SLC12A7: variants seen among roughly 807,000 people sequenced by gnomAD.
The protein encoded by SLC12A7 is K-Cl cotransporter 4.
SLC12A7 carries 100 observed loss-of-function variants against 120.6 expected under a neutral mutation model. That is an observed-to-expected ratio of 0.83 (90% CI 0.71 to 0.98). The LOEUF is 0.98. Among genes scored for constraint, SLC12A7 ranks in the 50% least tolerant of loss-of-function variants. SLC12A7 has a pLI of 0.00. For synonymous variants in SLC12A7, 760 were observed against 678.0 expected (o/e 1.12, Z -1.88); for missense variants, 1,373 against 1,548.1 (o/e 0.89, Z 1.90).
At chr5:1,127,159 C>T in the SLC12A7 span, among the ~76,000 whole-genome samples, 11 of 152,210 alleles carry the variant, frequency 7.2e-5, no homozygotes, top group South Asian at 8.3e-4. Flanking sequence ...GGACTACAGG[C>T]ACACGCCACC....
At chr5:1,150,884 A>T in the SLC12A7 span, among the ~76,000 whole-genome samples, 2 of 152,244 alleles carry the variant, frequency 1.3e-5, no homozygotes, top group Non-Finnish European at 2.9e-5. Context: ...GTGGCCCAGG[A>T]GGGCACGCAG....
the SLC12A7 span, among the ~76,000 whole-genome samples, chr5:1,122,529 T>C: frequency 5.3e-5 from 8 of 152,262 alleles, no homozygotes; most frequent in Non-Finnish European, 7.3e-5. Flanking sequence ...CATCTTTAAG[T>C]GTCCGACGGA....
At chr5:1,103,213 T>C (rs1034681245) in intron 1 of SLC12A7, among the ~76,000 whole-genome samples, 3 of 152,142 alleles carry the variant, frequency 2.0e-5, no homozygotes, top group African/African-American at 7.2e-5. Context: ...AAAGCAGCGC[T>C]GCCTTCTGAG....
chr5:1,108,300 C>T (rs1446769469), intron 1 of SLC12A7, among the ~76,000 whole-genome samples: 1 of 152,262 alleles, frequency 6.6e-6, no homozygotes, highest in Non-Finnish European at 1.5e-5. Context: ...GGAGGAAGCA[C>T]AGGCCCCGGC....
At position 1,112,054 on chromosome 5, in the gene SLC12A7, C is replaced by T; in HGVS notation, c.-63G>A. 8.3e-7 allele frequency: 1 copy of T among 1,208,732 alleles called. No individual in the cohort carries two copies. The highest frequency in any genetic ancestry group is 4.3e-5 in the Admixed American group (1 of 23,482). The allele number at this position is 1,208,732 out of a possible 1,614,324, so 74.9% of individuals were successfully genotyped here. The stretch of plus-strand genomic sequence containing the variant: ...CCGCGCTGCGCCGCTCCCGCCGACG[C>T]CACGGGACTTGGAGGCAGGGGCGGG... On this transcript the variant is annotated 5_prime_UTR_variant, in exon 1 of 24. Coordinates refer to ENST00000264930, the MANE Select transcript of SLC12A7 (RefSeq NM_006598.3).
At chr5:1,121,424 G>A in the SLC12A7 span, among the ~76,000 whole-genome samples, 9 of 152,298 alleles carry the variant, frequency 5.9e-5, no homozygotes, top group African/African-American at 1.9e-4. Flanking sequence ...GCCCGTGTGC[G>A]GATCCCCCTG....
At chr5:1,088,420 C>T in intron 4 of SLC12A7, 60 bp from the exon 5 acceptor site, 2 of 1,518,710 alleles carry the variant, frequency 1.3e-6, no homozygotes, top group South Asian at 1.2e-5. Flanking sequence ...GGCATCGCAA[C>T]ACTCCCAAGT....
the SLC12A7 span, among the ~76,000 whole-genome samples, chr5:1,131,709 C>T: frequency 6.6e-6 from 1 of 152,242 alleles, no homozygotes; most frequent in Non-Finnish European, 1.5e-5. Flanking sequence ...TCCCCAGAGC[C>T]TTGCCTAGCC....
At chr5:1,074,107 G>A (rs1738042515) in intron 16 of SLC12A7, among the ~76,000 whole-genome samples, 1 of 152,180 alleles carries the variant, frequency 6.6e-6, no homozygotes, top group South Asian at 2.1e-4. Context: ...AGGTGGGACA[G>A]GTGACATGCT....
the SLC12A7 span, among the ~76,000 whole-genome samples, chr5:1,131,892 C>T: frequency 2.8e-4 from 43 of 152,184 alleles, no homozygotes; most frequent in African/African-American, 9.2e-4. Context: ...GCTGTGTACA[C>T]GGCAAAGCTC....
Position 1,085,240 on chromosome 5 carries a change from C to G in SLC12A7, c.909G>C (p.Pro303=). 2 of 1,612,370 alleles carry G rather than the reference C, an allele frequency of 1.2e-6. No homozygotes were observed. Among genetic ancestry groups the G allele is most frequent in the Non-Finnish European group, 1.7e-6 (2 of 1,179,766 alleles). The change falls in exon 7 of 24, where the codon CCG becomes CCC. Residue 303 remains proline, a synonymous_variant. Coordinates refer to ENST00000264930, the MANE Select transcript of SLC12A7 (RefSeq NM_006598.3). ...GAGGCCCCGAGACTCACGGGATGTC[C>G]GGGGGGTCGAAGGCAGACTTGATGA... is the stretch of plus-strand genomic sequence containing the variant. The part of the protein sequence containing the change: ...AGVIKSAFDP[P]DIPVCLLGNR...
chr5:1,129,332 C>T, the SLC12A7 span, among the ~76,000 whole-genome samples: 1 of 152,214 alleles, frequency 6.6e-6, no homozygotes, highest in South Asian at 2.1e-4. Context: ...ACACCCCCAC[C>T]TCCGAAGTCC....
the SLC12A7 span, among the ~76,000 whole-genome samples, chr5:1,132,392 G>A: frequency 6.6e-6 from 1 of 151,992 alleles, no homozygotes; most frequent in Non-Finnish European, 1.5e-5. Flanking sequence ...CTTGGTCGGG[G>A]AGCCATTCTT....
At chr5:1,054,515 A>G (rs1185326918) in intron 22 of SLC12A7, among the ~76,000 whole-genome samples, 1 of 151,752 alleles carries the variant, frequency 6.6e-6, no homozygotes, top group Non-Finnish European at 1.5e-5. Context: ...CGCTGGGCGG[A>G]GGGGAGCACT....
rs952011939 is a variant in SLC12A7 at position 1,093,266 on chromosome 5, C to T, written c.342+267G>A. Among the ~76,000 whole-genome samples, 7 of 152,196 alleles carry T rather than the reference C, an allele frequency of 4.6e-5. 1 individual carries two copies. Among genetic ancestry groups the T allele is most frequent in the Admixed American group, 1.3e-4 (2 of 15,286 alleles). ...GGCCGCTCCCGCAGAACGAACAAAA[C>T]ACCCCAAGTTCATTTCTCGACAGGG... On this transcript the variant is annotated intron_variant, in intron 3 of 23. Transcript: ENST00000264930.
intron 1 of SLC12A7, among the ~76,000 whole-genome samples, chr5:1,104,355 C>A (rs566507688): frequency 1.3e-5 from 2 of 152,340 alleles, no homozygotes; most frequent in East Asian, 3.9e-4. Context: ...CCCGGCTGCA[C>A]GTCTGCAAGG....
the SLC12A7 span, among the ~76,000 whole-genome samples, chr5:1,117,272 G>A: frequency 6.6e-6 from 1 of 152,148 alleles, no homozygotes; most frequent in Non-Finnish European, 1.5e-5. This position sits in a 1 kb window ranked among gnomAD's most constrained non-coding sequence, Gnocchi z 4.5. Flanking sequence ...CCGAGATGGA[G>A]CAACGAAGCA....
At chr5:1,105,901 G>A (rs1026287130) in intron 1 of SLC12A7, among the ~76,000 whole-genome samples, 22 of 152,178 alleles carry the variant, frequency 1.4e-4, no homozygotes, top group Non-Finnish European at 2.4e-4. Flanking sequence ...TGGGCTCCAC[G>A]GGGTTCCCAT....
At chr5:1,135,772 G>C in the SLC12A7 span, among the ~76,000 whole-genome samples, 1 of 152,354 alleles carries the variant, frequency 6.6e-6, no homozygotes, top group South Asian at 2.1e-4. Context: ...CCTGGTAAGG[G>C]CAGGAACACA....
Sources: allele counts gnomAD v4.1 joint callset (sites outside exome capture counted in the v4.1 genomes callset), GRCh38; gene constraint gnomAD v4.1.1; non-coding constraint Gnocchi (gnomAD v3.1); transcripts MANE v1.5; gene names NCBI Gene and HGNC (gene_info 2026-07-23, HGNC 2026-07-21).